PPFIBP2: variants seen among roughly 807,000 people sequenced by gnomAD.
The protein encoded by PPFIBP2 is liprin-beta-2.
A neutral mutation model predicts 118.3 loss-of-function variants in PPFIBP2; 118 were observed. The ratio of observed to expected loss-of-function variants is 1.00; its 90% CI spans 0.86 to 1.16. PPFIBP2 has a LOEUF of 1.16. PPFIBP2 is among the 50% of genes most tolerant of loss of function. The pLI is 0.00. For synonymous variants in PPFIBP2, 414 were observed against 397.4 expected, an observed-to-expected ratio of 1.04 and a Z score of -0.50; for missense variants, 1,195 against 1,073.1, an observed-to-expected ratio of 1.11 and a Z score of -1.59.
chr11:7,586,025 G>A (rs771957866), intron 3 of PPFIBP2, among the ~76,000 whole-genome samples: 4 of 152,216 alleles, frequency 2.6e-5, no homozygotes. Flanking sequence ...ACTCAAAAAT[G>A]TGAGCACTTG....
chr11:7,608,155 G>A (rs117017785), intron 5 of PPFIBP2, among the ~76,000 whole-genome samples: 1 of 152,194 alleles, frequency 6.6e-6, no homozygotes, highest in Non-Finnish European at 1.5e-5. Context: ...GTCCTGATAG[G>A]TAGTATGTGC....
chr11:7,633,781 A>G lies in PPFIBP2; in HGVS notation c.1137-714A>G, dbSNP rs1851085891. ...GTGGTTTATGAGTTCACTGAGGGAA[A>G]GGTCAACACCAAGGAACTCGGACTG... On this transcript the variant is annotated intron_variant, in intron 12 of 23. Transcript: ENST00000299492. 3.3e-5 allele frequency among the ~76,000 whole-genome samples: 5 copies of G among 152,356 alleles called. No homozygotes were observed. The South Asian group carries it at 1.0e-3, about 32-fold the overall frequency.
chr11:7,600,501 G>A (rs1413447353), intron 5 of PPFIBP2, among the ~76,000 whole-genome samples: 1 of 152,202 alleles, frequency 6.6e-6, no homozygotes, highest in Non-Finnish European at 1.5e-5. Context: ...AGGGCCCTTG[G>A]CTTCTGGTGG....
chr11:7,652,426 C>T (rs576043127), intron 23 of PPFIBP2, among the ~76,000 whole-genome samples: 8 of 152,360 alleles, frequency 5.3e-5, no homozygotes, highest in Admixed American at 1.3e-4. Context: ...TCCCAGACTA[C>T]AGACCAACAG....
chr11:7,584,465 A>G (rs1204760709), intron 3 of PPFIBP2, among the ~76,000 whole-genome samples: 1 of 152,170 alleles, frequency 6.6e-6, no homozygotes, highest in African/African-American at 2.4e-5. Flanking sequence ...CTCTATTCAC[A>G]TTGCATTTGG....
In PPFIBP2 at chr11:7,625,816, G is replaced by C. The variant is rs148281709; in HGVS notation, c.751G>C (p.Asp251His). ...AQLQEQVALK[D>H]AEIERLHSQL... Reference sequence around the variant, plus strand: ...GCTGCAAGAACAGGTGGCCCTGAAAGATGCAGAAATTGAGCGTCTGCACAG... The same window carrying C: ...GCTGCAAGAACAGGTGGCCCTGAAACATGCAGAAATTGAGCGTCTGCACAG... The change falls in exon 8 of 24, where the codon GAT becomes CAT. Residue 251 changes from aspartate to histidine, a missense_variant. Transcript: ENST00000299492. 7.9e-5 allele frequency: 128 copies of C among 1,614,242 alleles called. No individual in the cohort carries two copies. The African/African-American group carries it at 1.4e-3, about 17-fold the overall frequency.
intron 16 of PPFIBP2, 97 bp from the exon 17 acceptor site, chr11:7,642,201 C>T (rs950702614): frequency 2.1e-6 from 3 of 1,445,810 alleles, no homozygotes; most frequent in Admixed American, 1.8e-5. Flanking sequence ...CCGAGAGTCC[C>T]TGTGCTGGCC....
At chr11:7,633,709 G>A (rs1851077500) in intron 12 of PPFIBP2, among the ~76,000 whole-genome samples, 1 of 152,190 alleles carries the variant, frequency 6.6e-6, no homozygotes, top group Non-Finnish European at 1.5e-5. Context: ...AAATGGTAAT[G>A]TTAGAGAAGT....
chr11:7,538,436 G>C (rs1044377892), intron 1 of PPFIBP2: 6 of 152,730 alleles, frequency 3.9e-5, no homozygotes, highest in Admixed American at 1.3e-4. Flanking sequence ...CTGCTGTTGT[G>C]ATATGTTGCT....
chr11:7,554,199 C>T (rs971495967), intron 2 of PPFIBP2, among the ~76,000 whole-genome samples: 1 of 152,094 alleles, frequency 6.6e-6, no homozygotes, highest in South Asian at 2.1e-4. Context: ...ACTCAAGTAC[C>T]CAAAGAATGT....
intron 1 of PPFIBP2, among the ~76,000 whole-genome samples, chr11:7,547,437 C>A (rs552713712): frequency 6.6e-6 from 1 of 152,236 alleles, no homozygotes; most frequent in African/African-American, 2.4e-5. Flanking sequence ...GAATTTTCCC[C>A]TTAGAGAAAG....
At position 7,634,352 on chromosome 11, in the gene PPFIBP2, A is replaced by C. The variant is rs544132591; in HGVS notation, c.1137-143A>C. 3.2e-5 allele frequency: 21 copies of C among 654,964 alleles called. No individual in the cohort carries two copies. In the African/African-American group the frequency reaches 3.3e-4, roughly 10 times the overall value. The allele number at this position is 654,964 out of a possible 1,614,324, so 40.6% of individuals were successfully genotyped here. On this transcript the variant is annotated intron_variant, in intron 12 of 23. Transcript: ENST00000299492. The stretch of plus-strand genomic sequence containing the variant: ...TGGGCCAGTCTCATTTTGTATGTAA[A>C]GGCTATTATGAGAGGGTATTTTTTT...
chr11:7,659,168 T>G (rs1854835837), downstream of PPFIBP2, among the ~76,000 whole-genome samples: 1 of 150,048 alleles, frequency 6.7e-6, no homozygotes, highest in African/African-American at 2.5e-5. Context: ...ATTTGTCAAT[T>G]TTGTCTTTTG....
chr11:7,601,805 C>T (rs1458838806), intron 5 of PPFIBP2, among the ~76,000 whole-genome samples: 1 of 151,262 alleles, frequency 6.6e-6, no homozygotes, highest in Admixed American at 6.6e-5. Flanking sequence ...ACTAAAAATA[C>T]AAAATTAGAC....
intron 14 of PPFIBP2, among the ~76,000 whole-genome samples, chr11:7,635,862 C>A (rs537409517): frequency 3.3e-5 from 5 of 152,224 alleles, no homozygotes; most frequent in African/African-American, 1.2e-4. Context: ...ACAAAGTAAT[C>A]TAGATTTAAT....
chr11:7,663,709 A>C, the PPFIBP2 span, among the ~76,000 whole-genome samples: 4 of 152,178 alleles, frequency 2.6e-5, no homozygotes, highest in South Asian at 2.1e-4. Context: ...TTGTTTACCT[A>C]AGCAAGCCTG....
rs1853881338 is a variant in PPFIBP2, at chr11:7,650,824, C to T, written c.2122-16C>T. The T allele has an allele frequency of 6.2e-7, 1 of 1,612,680 alleles. No individual in the cohort carries two copies. The highest frequency in any genetic ancestry group is 8.5e-7 in the Non-Finnish European group (1 of 1,179,010). On this transcript the variant is annotated splice_polypyrimidine_tract_variant and intron_variant, in intron 21 of 23. Transcript: ENST00000299492. Reference sequence around the variant, plus strand: ...TATTAAGCCTAACTTCCTCACTCTCCTTCTCCCTCTGACAGAGTAACCTTT... The same window carrying T: ...TATTAAGCCTAACTTCCTCACTCTCTTTCTCCCTCTGACAGAGTAACCTTT...
intron 3 of PPFIBP2, among the ~76,000 whole-genome samples, chr11:7,592,133 A>G (rs1162082794): frequency 6.6e-6 from 1 of 152,158 alleles, no homozygotes; most frequent in Admixed American, 6.5e-5. Flanking sequence ...TCAGTTCCAC[A>G]TTTAGCAATC....
At chr11:7,643,338 T>C (rs537138497) in intron 17 of PPFIBP2, among the ~76,000 whole-genome samples, 1 of 152,324 alleles carries the variant, frequency 6.6e-6, no homozygotes, top group East Asian at 1.9e-4. Flanking sequence ...AGGGGAATCA[T>C]TGGGTCAGGG....
Sources: allele counts gnomAD v4.1 joint callset (sites outside exome capture counted in the v4.1 genomes callset), GRCh38; gene constraint gnomAD v4.1.1; transcripts MANE v1.5; gene names NCBI Gene and HGNC (gene_info 2026-07-23, HGNC 2026-07-21).